Variants in GALNT18 observed in about 807,000 individuals in gnomAD.
GALNT18 encodes polypeptide N-acetylgalactosaminyltransferase 18, also known as GalNAc-transferase 18.
GALNT18 carries 44 observed loss-of-function variants against 69.5 expected under a neutral mutation model. The ratio of observed to expected loss-of-function variants is 0.63; its 90% confidence interval spans 0.50 to 0.81. GALNT18 has a LOEUF of 0.81. GALNT18 is among the 40% of genes least tolerant of loss of function. The pLI, the probability that GALNT18 is intolerant of heterozygous loss-of-function variation, is 0.00. For missense variants in GALNT18, 715 were observed against 810.0 expected, an observed-to-expected ratio of 0.88 and a Z score of 1.42; for synonymous variants, 364 against 318.2, an observed-to-expected ratio of 1.14 and a Z score of -1.53.
intron 10 of GALNT18, among the ~76,000 whole-genome samples, chr11:11,276,299 G>A (rs1469031658): frequency 6.6e-6 from 1 of 151,700 alleles, no homozygotes; most frequent in African/African-American, 2.4e-5. Flanking sequence ...TAGCAATTGT[G>A]AATGGGTGTT....
At position 11,616,607 on chromosome 11, in the gene GALNT18, A is replaced by C. The variant is rs1860056598; in HGVS notation, c.235+4752T>G. 6.6e-6 allele frequency among the ~76,000 whole-genome samples: 1 copy of C among 152,156 alleles called. No individual in the cohort carries two copies. The highest frequency in any genetic ancestry group is 1.5e-5 in the Non-Finnish European group (1 of 68,028). Reference sequence around the variant, plus strand: ...TATGCAGTCATTAAAAATACAGTAAAAGTTCTCTTTAGAAACTCTCCATTT... The same window carrying C: ...TATGCAGTCATTAAAAATACAGTAACAGTTCTCTTTAGAAACTCTCCATTT... On this transcript the variant is annotated intron_variant, in intron 1 of 10. Transcript: ENST00000227756. The surrounding 1 kb of genome is among the most constrained non-coding windows in gnomAD (Gnocchi z 4.4).
chr11:11,341,061 A>G lies in GALNT18; in HGVS notation c.1093-57T>C. The G allele has an allele frequency of 6.6e-7, 1 of 1,505,648 alleles. No homozygotes were observed. Among genetic ancestry groups the G allele is most frequent in the Non-Finnish European group, 8.9e-7 (1 of 1,117,416 alleles). 93.3% of individuals were successfully genotyped at this position (1,505,648 alleles called of 1,614,324 possible). ...CTGCCTGGCTCTGCCTTTCTACACCAGGCCTCAGGCAGCCACTTGACATGA... is the reference window on the plus strand; with the variant it reads ...CTGCCTGGCTCTGCCTTTCTACACCGGGCCTCAGGCAGCCACTTGACATGA... On this transcript the variant is annotated intron_variant, in intron 6 of 10. Transcript: ENST00000227756. This position sits in a 1 kb window ranked among gnomAD's most constrained non-coding sequence, Gnocchi z 6.3.
chr11:11,275,048 G>T (rs1170960302), intron 10 of GALNT18, among the ~76,000 whole-genome samples: 1 of 152,158 alleles, frequency 6.6e-6, no homozygotes, highest in Non-Finnish European at 1.5e-5. Context: ...ATGATACTTT[G>T]GGTACATACC....
intron 1 of GALNT18, among the ~76,000 whole-genome samples, chr11:11,522,898 C>G (rs942421388): frequency 6.6e-6 from 1 of 152,150 alleles, no homozygotes; most frequent in Admixed American, 6.5e-5. Context: ...TTTACAGTCT[C>G]CCCACCCTTA....
chr11:11,464,688 CAG>C (rs1229397370), intron 1 of GALNT18, among the ~76,000 whole-genome samples: 1 of 152,182 alleles, frequency 6.6e-6, no homozygotes, highest in Non-Finnish European at 1.5e-5. Context: ...TACAGCAGTG[CAG>C]AGAGCAGCAT....
In GALNT18 at chr11:11,340,852, G is replaced by A. The variant is rs1440630111; in HGVS notation, c.1245C>T (p.Ser415=). 2 of 1,613,850 alleles carry A rather than the reference G, an allele frequency of 1.2e-6. No individual in the cohort carries two copies. The highest frequency in any genetic ancestry group is 2.2e-5 in the South Asian group (2 of 90,990). Residue 415 remains serine (S), a synonymous_variant, in exon 7 of 11, where the codon AGC becomes AGT. Transcript: ENST00000227756. This position sits in a 1 kb window ranked among gnomAD's most constrained non-coding sequence, Gnocchi z 4.2. ...VAEVWMDEFK[S]HVYMAWNIPQ... ...GTATGTTCCATGCCATGTAGACGTGGCTTTTAAATTCATCCATCCAGACTT... is the reference window on the plus strand; with the variant it reads ...GTATGTTCCATGCCATGTAGACGTGACTTTTAAATTCATCCATCCAGACTT...
Position 11,439,160 on chromosome 11 carries a change from G to A in GALNT18, c.429-6373C>T, listed in dbSNP as rs1446739238. 2.0e-5 allele frequency among the ~76,000 whole-genome samples: 3 copies of A among 152,238 alleles called. No individual in the cohort carries two copies. Among genetic ancestry groups the A allele is most frequent in the Non-Finnish European group, 4.4e-5 (3 of 68,040 alleles). On this transcript the variant is annotated intron_variant, in intron 2 of 10. Coordinates refer to ENST00000227756, the MANE Select transcript of GALNT18 (RefSeq NM_198516.3). This position sits in a 1 kb window ranked among gnomAD's most constrained non-coding sequence, Gnocchi z 4.4. ...GTAGGAGATCCTAAGAAGATGATAA[G>A]TGAGGCGCAGGGGAGCAGAAATGAT...
At chr11:11,452,584 A>G (rs1052323613) in intron 1 of GALNT18, among the ~76,000 whole-genome samples, 5 of 152,170 alleles carry the variant, frequency 3.3e-5, no homozygotes, top group South Asian at 2.1e-4. Flanking sequence ...TCTATGCTTA[A>G]CCAGACCTGG....
chr11:11,312,668 C>T (rs1212314209), intron 9 of GALNT18, among the ~76,000 whole-genome samples: 1 of 152,142 alleles, frequency 6.6e-6, no homozygotes, highest in Non-Finnish European at 1.5e-5. Context: ...AGGTAGATGG[C>T]CTTAACCCCA....
At position 11,332,569 on chromosome 11, in the gene GALNT18, G is replaced by A. The variant is rs1264958888; in HGVS notation, c.1416+125C>T. Reference sequence around the variant, plus strand: ...CTTGCAGGTGCAGAACCCAGCGCCCGGTCCCCAGGCCTACTGCAGTTCTTC... The same window carrying A: ...CTTGCAGGTGCAGAACCCAGCGCCCAGTCCCCAGGCCTACTGCAGTTCTTC... On this transcript the variant is annotated intron_variant, in intron 8 of 10. Coordinates refer to ENST00000227756, the MANE Select transcript of GALNT18 (RefSeq NM_198516.3). This position sits in a 1 kb window ranked among gnomAD's most constrained non-coding sequence, Gnocchi z 4.3. 35 of 1,087,992 alleles carry A rather than the reference G, an allele frequency of 3.2e-5. No homozygotes were observed. The highest frequency in any genetic ancestry group is 6.3e-5 in the African/African-American group (4 of 63,818). The allele number at this position is 1,087,992 out of a possible 1,614,324, so 67.4% of individuals were successfully genotyped here. A position where few individuals can be genotyped will look rare whatever the true frequency, so the allele number is the denominator to read the frequency against.
chr11:11,606,243 T>A lies in GALNT18; in HGVS notation c.235+15116A>T, dbSNP rs1035417643. On this transcript the variant is annotated intron_variant, in intron 1 of 10. Coordinates refer to ENST00000227756, the MANE Select transcript of GALNT18 (RefSeq NM_198516.3). This position sits in a 1 kb window ranked among gnomAD's most constrained non-coding sequence, Gnocchi z 5.4. ...TCCTACCTAGCCCCTACTGTATACCTGGCACTGTGTGACAAACTGGAAAAC... is the reference window on the plus strand; with the variant it reads ...TCCTACCTAGCCCCTACTGTATACCAGGCACTGTGTGACAAACTGGAAAAC... Among the ~76,000 whole-genome samples, 1 of 152,172 alleles carries A rather than the reference T, an allele frequency of 6.6e-6. No individual in the cohort carries two copies. Among genetic ancestry groups the A allele is most frequent in the African/African-American group, 2.4e-5 (1 of 41,436 alleles).
At chr11:11,556,989 C>T (rs140431156) in intron 1 of GALNT18, among the ~76,000 whole-genome samples, 16 of 152,246 alleles carry the variant, frequency 1.1e-4, no homozygotes, top group African/African-American at 3.9e-4. Context: ...CATTAGTCTG[C>T]CCAGGAGGCC....
Position 11,382,260 on chromosome 11 carries a change from C to A in GALNT18, c.596-2996G>T, listed in dbSNP as rs1166998832. Among the ~76,000 whole-genome samples the A allele has an allele frequency of 6.6e-6, 1 of 152,148 alleles. No homozygotes were observed. The highest frequency in any genetic ancestry group is 2.4e-5 in the African/African-American group (1 of 41,422). Reference sequence around the variant, plus strand: ...AAGAAAATAAAGAAGAAACAAAATGCCTTGAAGTACCCTAGATGATACTGG... The same window carrying A: ...AAGAAAATAAAGAAGAAACAAAATGACTTGAAGTACCCTAGATGATACTGG... On this transcript the variant is annotated intron_variant, in intron 3 of 10. Transcript: ENST00000227756. This position sits in a 1 kb window ranked among gnomAD's most constrained non-coding sequence, Gnocchi z 4.3.
rs560613461 is a variant in GALNT18, at chr11:11,383,225, C to G, written c.596-3961G>C. Among the ~76,000 whole-genome samples, 4 of 152,154 alleles carry G rather than the reference C, an allele frequency of 2.6e-5. No individual in the cohort carries two copies. Among genetic ancestry groups the G allele is most frequent in the Non-Finnish European group, 5.9e-5 (4 of 68,024 alleles). On this transcript the variant is annotated intron_variant, in intron 3 of 10. Transcript: ENST00000227756. The surrounding 1 kb of genome is among the most constrained non-coding windows in gnomAD (Gnocchi z 5.2). ...GCTCTCATTTCTTCAGACTTAGACG[C>G]CAAGGAAACACAGGGGATTCACCAG...
At chr11:11,578,967 C>A (rs1039419225) in intron 1 of GALNT18, among the ~76,000 whole-genome samples, 1 of 152,186 alleles carries the variant, frequency 6.6e-6, no homozygotes, top group Non-Finnish European at 1.5e-5. Flanking sequence ...GGGGTGGCCT[C>A]TCTTGCCCCC....
Position 11,540,312 on chromosome 11 carries a change from C to T in GALNT18, c.235+81047G>A, listed in dbSNP as rs945204280. Among the ~76,000 whole-genome samples the T allele has an allele frequency of 2.6e-5, 4 of 152,124 alleles. No individual in the cohort carries two copies. Among genetic ancestry groups the T allele is most frequent in the African/African-American group, 7.2e-5 (3 of 41,398 alleles). On this transcript the variant is annotated intron_variant, in intron 1 of 10. Coordinates refer to ENST00000227756, the MANE Select transcript of GALNT18 (RefSeq NM_198516.3). The surrounding 1 kb of genome is among the most constrained non-coding windows in gnomAD (Gnocchi z 4.6). ...AAGGTGCAGGATAAATGTTTTTCTT[C>T]GTCGTTGCCATGGAAACTTGTGACT...
At chr11:11,375,953 A>C (rs1853741305) in intron 5 of GALNT18, among the ~76,000 whole-genome samples, 1 of 152,164 alleles carries the variant, frequency 6.6e-6, no homozygotes, top group Non-Finnish European at 1.5e-5. Context: ...TTTCTCCCTA[A>C]TATAATATAA....
chr11:11,364,636 G>A (rs1208616309), intron 6 of GALNT18, among the ~76,000 whole-genome samples: 1 of 152,168 alleles, frequency 6.6e-6, no homozygotes, highest in Admixed American at 6.5e-5. Flanking sequence ...CTTGATTCAA[G>A]CAAAGAAATT....
Position 11,572,006 on chromosome 11 carries a change from C to T in GALNT18, c.235+49353G>A, listed in dbSNP as rs1305816059. Among the ~76,000 whole-genome samples the T allele has an allele frequency of 2.6e-5, 4 of 152,240 alleles. No individual in the cohort carries two copies. In the East Asian group the frequency reaches 7.7e-4, roughly 29 times the overall value. On this transcript the variant is annotated intron_variant, in intron 1 of 10. Coordinates refer to ENST00000227756, the MANE Select transcript of GALNT18 (RefSeq NM_198516.3). Reference sequence around the variant, plus strand: ...TAGGAATTCCCTGGGAAGCACTTTACAAATACAGATTTCCAGGCTCCCCCA... The same window carrying T: ...TAGGAATTCCCTGGGAAGCACTTTATAAATACAGATTTCCAGGCTCCCCCA...
Sources: allele counts gnomAD v4.1 joint callset (sites outside exome capture counted in the v4.1 genomes callset), GRCh38; gene constraint gnomAD v4.1.1; non-coding constraint Gnocchi (gnomAD v3.1); transcripts MANE v1.5; gene names NCBI Gene and HGNC (gene_info 2026-07-23, HGNC 2026-07-21).